LYRM4: variants seen among roughly 807,000 people sequenced by gnomAD.
LYRM4 encodes LYR motif-containing protein 4.
A neutral mutation model predicts 11.7 loss-of-function variants in LYRM4; 9 were observed. That is an observed-to-expected ratio of 0.77 (90% CI 0.46 to 1.34). The LOEUF is 1.34. LYRM4 is among the 40% of genes most tolerant of loss of function. The probability of loss-of-function intolerance (pLI) is 0.00; values close to 1 mark genes in which losing one functional copy is unlikely to be tolerated. For missense variants in LYRM4, 133 were observed against 112.5 expected, an observed-to-expected ratio of 1.18 and a Z score of -0.82; for synonymous variants, 42 against 40.4, an observed-to-expected ratio of 1.04 and a Z score of -0.15.
At chr6:5,108,262 C>G (rs1762726163), downstream of LYRM4, 1 of 173,238 alleles carries the variant, frequency 5.8e-6, no homozygotes, top group African/African-American at 2.4e-5. Flanking sequence ...GAGCCTGTTC[C>G]AAACCTTAAC....
chr6:5,246,843 C>A (rs1001899358), intron 1 of LYRM4, among the ~76,000 whole-genome samples: 3 of 151,860 alleles, frequency 2.0e-5, no homozygotes, highest in Non-Finnish European at 4.4e-5. Flanking sequence ...GGGGCTGGGG[C>A]TGGAAACAGA....
intron 2 of LYRM4, among the ~76,000 whole-genome samples, chr6:5,177,791 C>G (rs985001915): frequency 6.6e-6 from 1 of 152,164 alleles, no homozygotes; most frequent in African/African-American, 2.4e-5. Context: ...GTTTCATACT[C>G]TTACAAACAG....
At chr6:5,037,392 G>C in the LYRM4 span, among the ~76,000 whole-genome samples, 2 of 27,766 alleles carry the variant, frequency 7.2e-5, no homozygotes. Flanking sequence ...AAAATGAAAA[G>C]TCTCCCATGT....
chr6:5,157,621 G>T (rs1313704699), intron 2 of LYRM4, among the ~76,000 whole-genome samples: 2 of 151,988 alleles, frequency 1.3e-5, no homozygotes, highest in African/African-American at 4.8e-5. Flanking sequence ...ATTCCCAGAG[G>T]TGGCATTTGG....
At chr6:5,142,833 G>A (rs147433410) in intron 2 of LYRM4, among the ~76,000 whole-genome samples, 7 of 152,276 alleles carry the variant, frequency 4.6e-5, no homozygotes, top group African/African-American at 7.2e-5. Context: ...ACGCTGCCTC[G>A]TAACTTCAGT....
At chr6:5,097,948 T>C in the LYRM4 span, among the ~76,000 whole-genome samples, 1 of 152,226 alleles carries the variant, frequency 6.6e-6, no homozygotes, top group African/African-American at 2.4e-5. Context: ...AGGGGCCTCC[T>C]GTTTGGTGTC....
chr6:5,071,029 A>G, the LYRM4 span, among the ~76,000 whole-genome samples: 1 of 151,876 alleles, frequency 6.6e-6, no homozygotes, highest in Non-Finnish European at 1.5e-5. Context: ...CTCTACTAAC[A>G]ATACAAAAAT....
At chr6:5,085,231 G>A in the LYRM4 span, 2 of 458,808 alleles carry the variant, frequency 4.4e-6, no homozygotes, top group Non-Finnish European at 3.8e-6. Flanking sequence ...GTCGCGGGCA[G>A]GTTCAACCGG....
At chr6:5,120,489 A>G (rs1387570232) in intron 2 of LYRM4, among the ~76,000 whole-genome samples, 1 of 152,144 alleles carries the variant, frequency 6.6e-6, no homozygotes, top group Non-Finnish European at 1.5e-5. Context: ...TGGACCCAAA[A>G]AGTGAGCAGC....
chr6:5,040,602 C>A, the LYRM4 span, among the ~76,000 whole-genome samples: 2 of 151,388 alleles, frequency 1.3e-5, no homozygotes, highest in Non-Finnish European at 2.9e-5. Flanking sequence ...CTATAGAAAA[C>A]AATAATCTAT....
chr6:5,066,874 G>T, the LYRM4 span: 2 of 980,566 alleles, frequency 2.0e-6, no homozygotes, highest in Non-Finnish European at 3.1e-6. Flanking sequence ...TTCCTCGCCG[G>T]CAAGTGCTTT....
At chr6:5,136,203 G>C (rs981180228) in intron 2 of LYRM4, 14 of 830,308 alleles carry the variant, frequency 1.7e-5, no homozygotes, top group Non-Finnish European at 2.0e-5. Flanking sequence ...ACACTGGTGG[G>C]CAAGTATCCT....
Position 5,172,086 on chromosome 6 carries a change from C to T in LYRM4, c.207+44532G>A, listed in dbSNP as rs1759462656. Among the ~76,000 whole-genome samples the T allele has an allele frequency of 2.6e-5, 4 of 152,118 alleles. No homozygotes were observed. In the South Asian group the frequency reaches 8.3e-4, roughly 32 times the overall value. The stretch of plus-strand genomic sequence containing the variant: ...CTGGCTACAGAATGCAAAGAGTCAA[C>T]ACCCACAAGCCTCACAGGCTGCATT... On this transcript the variant is annotated intron_variant, in intron 2 of 2. Coordinates refer to ENST00000330636, the MANE Select transcript of LYRM4 (RefSeq NM_020408.6).
At chr6:5,234,745 AAAAG>A (rs777894800) in intron 1 of LYRM4, among the ~76,000 whole-genome samples, 1 of 152,348 alleles carries the variant, frequency 6.6e-6, no homozygotes, top group Middle Eastern at 3.4e-3. Flanking sequence ...CTATAAGAAA[AAAAG>A]AAAGGTGACT....
At chr6:5,083,165 C>T in the LYRM4 span, among the ~76,000 whole-genome samples, 2 of 152,228 alleles carry the variant, frequency 1.3e-5, no homozygotes, top group Non-Finnish European at 2.9e-5. Context: ...TCCCTCACCT[C>T]CTTCTCTGTC....
chr6:5,079,618 A>G, the LYRM4 span, among the ~76,000 whole-genome samples: 1 of 152,246 alleles, frequency 6.6e-6, no homozygotes, highest in Non-Finnish European at 1.5e-5. Flanking sequence ...TCAGTAGCTG[A>G]GTGGTAAGAG....
intron 1 of LYRM4, among the ~76,000 whole-genome samples, chr6:5,253,427 G>GTT (rs36106861): frequency 0.022 from 3,248 of 145,662 alleles, 98 homozygotes; most frequent in African/African-American, 0.075. Flanking sequence ...GCAATTCTCA[G>GTT]TTTTTTTTTT....
intron 2 of LYRM4, chr6:5,144,081 T>G: frequency 6.7e-7 from 1 of 1,486,908 alleles, no homozygotes; most frequent in Non-Finnish European, 9.0e-7. Context: ...GAAAAAGAAA[T>G]GCTTAGAGAG....
chr6:5,115,902 A>G (rs1763098081), intron 2 of LYRM4, among the ~76,000 whole-genome samples: 1 of 152,172 alleles, frequency 6.6e-6, no homozygotes, highest in South Asian at 2.1e-4. Flanking sequence ...GGCCACCCAC[A>G]TGGTCCCTAT....
Sources: gnomAD v4.1 joint callset for allele counts (sites outside exome capture counted in the v4.1 genomes callset) on GRCh38, gnomAD v4.1.1 for gene constraint, MANE v1.5 for transcripts, NCBI Gene and HGNC (gene_info 2026-07-23, HGNC 2026-07-21) for gene names.